The following GARIN2 variants were observed in gnomAD, a reference collection of about 807,000 sequenced individuals.
GARIN2 encodes golgi associated RAB2 interactor family member 2, also known as Golgi-associated RAB2 interactor protein 2.
the GARIN2 span, chr14:67,200,040 A>C: frequency 1.1e-6 from 1 of 935,234 alleles, no homozygotes; most frequent in African/African-American, 1.7e-5. Flanking sequence ...CTGGACACCC[A>C]GGCTCTGGGG....
At chr14:67,193,954 C>CAAAA in the GARIN2 span, among the ~76,000 whole-genome samples, 3 of 85,756 alleles carry the variant, frequency 3.5e-5, no homozygotes, top group African/African-American at 1.2e-4. Context: ...CAAAAAAAAA[C>CAAAA]AAAAAAAAAA....
At chr14:67,190,016 T>A in the GARIN2 span, among the ~76,000 whole-genome samples, 1 of 148,102 alleles carries the variant, frequency 6.8e-6, no homozygotes, top group African/African-American at 2.5e-5. Flanking sequence ...AATTTTGTAT[T>A]TTTTTTTTAA....
At chr14:67,205,173 T>C in the GARIN2 span, 1 of 1,348,810 alleles carries the variant, frequency 7.4e-7, no homozygotes, top group Non-Finnish European at 9.9e-7. Context: ...TAGCTGACAT[T>C]GATTATCAAA....
At chr14:67,201,845 C>T in the GARIN2 span, 1 of 186,574 alleles carries the variant, frequency 5.4e-6, no homozygotes. Context: ...CAGTGTAGCT[C>T]CTCTCTGCCT....
the GARIN2 span, chr14:67,225,377 G>T: frequency 6.3e-6 from 4 of 638,384 alleles, no homozygotes; most frequent in Non-Finnish European, 9.6e-6. Flanking sequence ...TTCTACTGTA[G>T]TAACAATATA....
At chr14:67,193,441 A>G in the GARIN2 span, among the ~76,000 whole-genome samples, 1 of 142,812 alleles carries the variant, frequency 7.0e-6, no homozygotes, top group Admixed American at 7.1e-5. Flanking sequence ...GTATATCTAG[A>G]TACAGATCTC....
chr14:67,227,439 C>CAAAAAAAAA, the GARIN2 span: 8 of 83,614 alleles, frequency 9.6e-5, no homozygotes, highest in Admixed American at 1.2e-4. Context: ...GATGCTGTCT[C>CAAAAAAAAA]AAAAAAAAAA....
chr14:67,197,926 T>C, the GARIN2 span, among the ~76,000 whole-genome samples: 11 of 152,184 alleles, frequency 7.2e-5, no homozygotes, highest in Admixed American at 6.5e-4. Context: ...TTGGCTTGCT[T>C]ACTACCTGTC....
chr14:67,224,625 ATTT>A, the GARIN2 span: 1 of 270,612 alleles, frequency 3.7e-6, no homozygotes, highest in South Asian at 3.3e-5. Context: ...TAACTTTTAA[ATTT>A]TTTTTTTTAC....
the GARIN2 span, chr14:67,208,102 C>T: frequency 3.4e-4 from 508 of 1,502,636 alleles, no homozygotes; most frequent in African/African-American, 4.0e-3. Context: ...TGCTCAGTGA[C>T]GATGAATGAA....
At chr14:67,225,964 C>T in the GARIN2 span, among the ~76,000 whole-genome samples, 11,110 of 41,674 alleles carry the variant, frequency 0.27, 499 homozygotes, top group African/African-American at 0.32. Context: ...TGTGTGTGTG[C>T]GCGCGCGCGC....
the GARIN2 span, chr14:67,198,452 T>C: frequency 1.2e-6 from 1 of 850,170 alleles, no homozygotes; most frequent in Non-Finnish European, 1.8e-6. Context: ...AGAGAACAGT[T>C]TGGGAACTTT....
At chr14:67,215,105 C>T in the GARIN2 span, among the ~76,000 whole-genome samples, 1 of 152,110 alleles carries the variant, frequency 6.6e-6, no homozygotes, top group Non-Finnish European at 1.5e-5. Context: ...AATGCACACT[C>T]AGATTTGAGA....
the GARIN2 span, chr14:67,199,968 T>C: frequency 3.3e-6 from 4 of 1,205,322 alleles, no homozygotes; most frequent in South Asian, 4.7e-5. Flanking sequence ...GAGTGCCCCA[T>C]CCAGGGATGT....
chr14:67,225,954 TGTGTGTGTGCGC>T, the GARIN2 span, among the ~76,000 whole-genome samples: 4 of 138,094 alleles, frequency 2.9e-5, no homozygotes, highest in African/African-American at 1.2e-4. Flanking sequence ...TGTGTGTGTG[TGTGTGTGTGCGC>T]GCGCGCGCGT....
chr14:67,219,265 T>C, the GARIN2 span, among the ~76,000 whole-genome samples: 4 of 152,160 alleles, frequency 2.6e-5, no homozygotes, highest in African/African-American at 9.7e-5. Flanking sequence ...CTGGTGGGGC[T>C]CTTCTGCTTA....
the GARIN2 span, among the ~76,000 whole-genome samples, chr14:67,213,366 C>T: frequency 3.7e-5 from 5 of 134,566 alleles, no homozygotes; most frequent in Non-Finnish European, 7.7e-5. Context: ...TTCCTGTGTC[C>T]ATGTGTTCTC....
chr14:67,225,583 G>A, the GARIN2 span, among the ~76,000 whole-genome samples: 8 of 152,246 alleles, frequency 5.3e-5, no homozygotes, highest in East Asian at 1.4e-3. Context: ...TTCCCAACCT[G>A]CTTTTTAGAT....
At chr14:67,207,427 C>T in the GARIN2 span, among the ~76,000 whole-genome samples, 3 of 152,114 alleles carry the variant, frequency 2.0e-5, no homozygotes, top group African/African-American at 7.2e-5. Context: ...ATGGTGAGGA[C>T]AGCACCAAGC....
Sources: allele counts gnomAD v4.1 joint callset (sites outside exome capture counted in the v4.1 genomes callset), GRCh38; gene constraint gnomAD v4.1.1; transcripts MANE v1.5; gene names NCBI Gene and HGNC (gene_info 2026-07-23, HGNC 2026-07-21).